The following ATAD1 variants were observed in gnomAD, a reference collection of about 807,000 sequenced individuals.
The protein encoded by ATAD1 is ATPase family AAA domain containing 1, also known as outer mitochondrial transmembrane helix translocase.
In ATAD1, 18 loss-of-function variants were observed where a neutral mutation model predicts 42.7. That is an observed-to-expected ratio of 0.42 (90% CI 0.29 to 0.63). ATAD1 has a LOEUF of 0.63. Ranked by LOEUF, ATAD1 falls within the 20% of genes least tolerant of loss-of-function variation. The pLI, the probability that ATAD1 is intolerant of heterozygous loss-of-function variation, is 0.19. For missense variants in ATAD1, 294 were observed against 440.4 expected, an observed-to-expected ratio of 0.67 and a Z score of 2.98; for synonymous variants, 132 against 143.1, an observed-to-expected ratio of 0.92 and a Z score of 0.55.
At chr10:87,837,031 T>A (rs897821100) in intron 1 of ATAD1, among the ~76,000 whole-genome samples, 13 of 152,198 alleles carry the variant, frequency 8.5e-5, no homozygotes, top group African/African-American at 2.9e-4. Flanking sequence ...TTCATTTTTT[T>A]ATTATTTTTT....
chr10:87,841,216 C>T (rs116118473), exon 1 of ATAD1: 2 of 152,030 alleles, frequency 1.3e-5, no homozygotes, highest in East Asian at 1.9e-4. Context: ...AACCTTGTTC[C>T]TGGGGAGCGC....
intron 4 of ATAD1, 31 bp downstream of exon 4, chr10:87,790,279 T>C (rs202153368): frequency 3.8e-6 from 6 of 1,590,494 alleles, no homozygotes; most frequent in Middle Eastern, 1.7e-4. Context: ...AGGATTTTAA[T>C]GCTTTAGGCG....
At chr10:87,774,145 G>A (rs1855180282) in intron 6 of ATAD1, among the ~76,000 whole-genome samples, 1 of 152,116 alleles carries the variant, frequency 6.6e-6, no homozygotes, top group Non-Finnish European at 1.5e-5. Context: ...TTTGACTTAT[G>A]CTAATGCGGT....
At chr10:87,800,422 T>G (rs1856634336) in intron 2 of ATAD1, among the ~76,000 whole-genome samples, 1 of 152,140 alleles carries the variant, frequency 6.6e-6, no homozygotes, top group Non-Finnish European at 1.5e-5. Context: ...TTCTGTTTGT[T>G]ATGGCCTGAT....
intron 2 of ATAD1, among the ~76,000 whole-genome samples, chr10:87,809,818 G>T (rs1443259328): frequency 6.6e-6 from 1 of 151,752 alleles, no homozygotes; most frequent in Non-Finnish European, 1.5e-5. Context: ...GGCTAATTTT[G>T]TATTTTTAGT....
At chr10:87,763,191 CTG>C (rs1484849681) in intron 8 of ATAD1, among the ~76,000 whole-genome samples, 2 of 147,778 alleles carry the variant, frequency 1.4e-5, no homozygotes, top group Non-Finnish European at 3.0e-5. Context: ...TTCTCTGAAA[CTG>C]TACATATTTC....
In ATAD1 at chr10:87,817,984, T is replaced by C. The variant is rs530839923; in HGVS notation, c.-14+183A>G. The C allele has an allele frequency of 1.5e-5, 15 of 985,638 alleles. No individual in the cohort carries two copies. The South Asian group carries it at 2.3e-4, about 15-fold the overall frequency. 61.1% of individuals were successfully genotyped at this position (985,638 alleles called of 1,614,324 possible). On this transcript the variant is annotated intron_variant, in intron 1 of 9. Coordinates refer to ENST00000680024, the MANE Select transcript of ATAD1 (RefSeq NM_001321967.2). ...CGCCAAGGCGAGGCCCGGGACGCCC[T>C]TGGAGGTTAATCCTCTAGATACTAA...
intron 2 of ATAD1, among the ~76,000 whole-genome samples, chr10:87,797,085 T>C (rs1856429082): frequency 6.6e-6 from 1 of 152,206 alleles, no homozygotes; most frequent in Admixed American, 6.5e-5. Flanking sequence ...CCTGGGTAAG[T>C]AGCTGAATTG....
chr10:87,775,699 T>G (rs1322243180), intron 6 of ATAD1, among the ~76,000 whole-genome samples: 3 of 151,862 alleles, frequency 2.0e-5, no homozygotes, highest in Admixed American at 6.6e-5. Flanking sequence ...AGAGGAAAAC[T>G]GAAAAATAAA....
chr10:87,766,426 G>C (rs1854752382), intron 8 of ATAD1, among the ~76,000 whole-genome samples: 1 of 152,014 alleles, frequency 6.6e-6, no homozygotes, highest in Non-Finnish European at 1.5e-5. Flanking sequence ...TAAAAACAAA[G>C]AGAGACAACA....
intron 8 of ATAD1, among the ~76,000 whole-genome samples, chr10:87,767,322 T>C (rs954549812): frequency 6.6e-5 from 10 of 152,052 alleles, no homozygotes; most frequent in Admixed American, 6.6e-4. Flanking sequence ...CCTGGAGAAG[T>C]GGAGGAGGGG....
Position 87,771,024 on chromosome 10 carries a change from A to T in ATAD1, c.708T>A (p.Ala236=), listed in dbSNP as rs777457295. Residue 236 remains alanine (A), a synonymous_variant, in exon 7 of 10, where the codon GCT becomes GCA. Transcript: ENST00000680024. ...DHSCQVIVMG[A]TNRPQDLDSA... ...AGTCAAGGTCCTGAGGACGATTGGT[A>T]GCTCCCATTACTATGACCTAAGTGT... is the stretch of plus-strand genomic sequence containing the variant. 6.2e-7 allele frequency: 1 copy of T among 1,613,174 alleles called. No homozygotes were observed. Among genetic ancestry groups the T allele is most frequent in the South Asian group, 1.1e-5 (1 of 91,018 alleles).
chr10:87,781,954 T>G (rs200766763), intron 5 of ATAD1, among the ~76,000 whole-genome samples: 11 of 52,370 alleles, frequency 2.1e-4, no homozygotes. Context: ...CTGAGAATTG[T>G]TTTTTTTTTT....
At chr10:87,767,023 T>TA (rs997096773) in intron 8 of ATAD1, among the ~76,000 whole-genome samples, 3 of 151,994 alleles carry the variant, frequency 2.0e-5, no homozygotes, top group African/African-American at 4.8e-5. Context: ...CAGGAAAGGT[T>TA]AAAAAAATGC....
At chr10:87,797,471 G>A (rs1024429195) in intron 2 of ATAD1, among the ~76,000 whole-genome samples, 2 of 151,346 alleles carry the variant, frequency 1.3e-5, no homozygotes, top group African/African-American at 2.4e-5. Flanking sequence ...TCTAGAGAAG[G>A]TTTCTAATGA....
chr10:87,790,893 T>C (rs1856063440), intron 3 of ATAD1, among the ~76,000 whole-genome samples: 1 of 151,858 alleles, frequency 6.6e-6, no homozygotes, highest in South Asian at 2.1e-4. Flanking sequence ...CCATCAAAAG[T>C]AAACCTATGG....
At chr10:87,767,510 G>A (rs576504743) in intron 8 of ATAD1, among the ~76,000 whole-genome samples, 163 bp downstream of exon 8, 1 of 152,294 alleles carries the variant, frequency 6.6e-6, no homozygotes, top group East Asian at 1.9e-4. Flanking sequence ...CCTGCTGTGC[G>A]GCCCAGTTCC....
rs192969409 is a variant in ATAD1, at chr10:87,770,975, T to C, written c.757A>G (p.Thr253Ala). ...LDSAIMRRMP[T>A]RFHINQPALK... ...ACAGGCTGGTTGATATGAAATCTTG[T>C]AGGCATTCTTCTCATTATAGCCGAG... Residue 253 changes from threonine (T) to alanine (A), a missense_variant, in exon 7 of 10, where the codon ACA becomes GCA. Physicochemically the swap from Thr to Ala is moderately conservative, Grantham distance 58. Transcript: ENST00000680024. 4 of 1,613,518 alleles carry C rather than the reference T, an allele frequency of 2.5e-6. No individual in the cohort carries two copies. Among genetic ancestry groups the C allele is most frequent in the South Asian group, 1.1e-5 (1 of 91,024 alleles).
At chr10:87,795,074 T>C (rs148437874) in intron 2 of ATAD1, among the ~76,000 whole-genome samples, 51 of 152,280 alleles carry the variant, frequency 3.3e-4, no homozygotes, top group East Asian at 3.1e-3. Context: ...TTATCCTTAT[T>C]ATTTAGATGA....
Sources: allele counts gnomAD v4.1 joint callset (sites outside exome capture counted in the v4.1 genomes callset), GRCh38; gene constraint gnomAD v4.1.1; transcripts MANE v1.5; gene names NCBI Gene and HGNC (gene_info 2026-07-23, HGNC 2026-07-21).